Variants in SGCZ observed in about 807,000 individuals in gnomAD.
SGCZ encodes zeta-sarcoglycan.
Under a neutral mutation model 41.3 loss-of-function variants are expected in SGCZ, and 40 were observed. That is an observed-to-expected ratio of 0.97 (90% CI 0.75 to 1.26). The LOEUF is 1.26. Among genes scored for constraint, SGCZ ranks in the 50% most tolerant of loss-of-function variants. The pLI is 0.00. For synonymous variants in SGCZ, 206 were observed against 137.5 expected, an observed-to-expected ratio of 1.50 and a Z score of -3.49; for missense variants, 552 against 369.8, an observed-to-expected ratio of 1.49 and a Z score of -4.04.
intron 5 of SGCZ, among the ~76,000 whole-genome samples, chr8:14,116,235 T>C (rs913484242): frequency 1.3e-5 from 2 of 152,138 alleles, no homozygotes; most frequent in African/African-American, 4.8e-5. Context: ...AAGATGCTAA[T>C]TGTATCAATA....
At chr8:15,196,292 T>C (rs1420595509) in intron 1 of SGCZ, among the ~76,000 whole-genome samples, 9 of 152,188 alleles carry the variant, frequency 5.9e-5, no homozygotes, top group Non-Finnish European at 1.5e-5. Flanking sequence ...CTTTTCTTAA[T>C]CCAAAATTTG....
chr8:14,354,504 G>C (rs979871475), intron 2 of SGCZ, among the ~76,000 whole-genome samples: 11 of 151,708 alleles, frequency 7.3e-5, no homozygotes, highest in African/African-American at 2.7e-4. Context: ...TTTTAGGAAA[G>C]AGATGATATT....
At chr8:15,188,732 C>A (rs1335225237) in intron 1 of SGCZ, among the ~76,000 whole-genome samples, 1 of 152,030 alleles carries the variant, frequency 6.6e-6, no homozygotes, top group Non-Finnish European at 1.5e-5. Flanking sequence ...ATAATAAATA[C>A]ACATGCTGCA....
intron 2 of SGCZ, among the ~76,000 whole-genome samples, chr8:14,417,834 T>C (rs1428087270): frequency 6.6e-6 from 1 of 151,902 alleles, no homozygotes; most frequent in African/African-American, 2.4e-5. Context: ...ATTATACAAC[T>C]TAAATATATA....
intron 1 of SGCZ, among the ~76,000 whole-genome samples, chr8:15,084,187 A>T (rs1000630953): frequency 3.9e-5 from 6 of 152,212 alleles, no homozygotes; most frequent in Non-Finnish European, 5.9e-5. Flanking sequence ...AATGTTCTTC[A>T]GATCAATATT....
intron 1 of SGCZ, among the ~76,000 whole-genome samples, chr8:14,839,291 A>G (rs1017403639): frequency 2.6e-5 from 4 of 152,172 alleles, no homozygotes; most frequent in Non-Finnish European, 5.9e-5. Context: ...TTACGCAATG[A>G]GTAGCCAGGT....
chr8:15,232,282 T>C (rs1370219749), intron 1 of SGCZ, among the ~76,000 whole-genome samples: 1 of 152,166 alleles, frequency 6.6e-6, no homozygotes, highest in African/African-American at 2.4e-5. Context: ...AGCCATCTCG[T>C]GTAGCTATGA....
intron 1 of SGCZ, among the ~76,000 whole-genome samples, chr8:14,654,094 T>A (rs1807485371): frequency 6.6e-6 from 1 of 152,034 alleles, no homozygotes; most frequent in South Asian, 2.1e-4. Context: ...GAAGTTAACA[T>A]TCAATAACTT....
At position 14,201,441 on chromosome 8, in the gene SGCZ, A is replaced by G. The variant is rs553091133; in HGVS notation, c.424+36151T>C. Among the ~76,000 whole-genome samples, 289 of 152,324 alleles carry G rather than the reference A, an allele frequency of 1.9e-3. 3 individuals carry two copies. Among genetic ancestry groups the G allele is most frequent in the African/African-American group, 6.6e-3 (275 of 41,574 alleles). On this transcript the variant is annotated intron_variant, in intron 4 of 7. Coordinates refer to ENST00000382080, the MANE Select transcript of SGCZ (RefSeq NM_139167.4). ...ACATCCATGCAACAGAATACTCCTT[A>G]GTAATAAAAAGGAACAAAATTGTTG...
chr8:14,382,349 T>C (rs1188294247), intron 2 of SGCZ, among the ~76,000 whole-genome samples: 2 of 151,986 alleles, frequency 1.3e-5, no homozygotes, highest in African/African-American at 4.8e-5. Context: ...CCTGTGGGAA[T>C]GAACTCAGAC....
chr8:15,086,860 C>G (rs1462773491), intron 1 of SGCZ, among the ~76,000 whole-genome samples: 2 of 152,012 alleles, frequency 1.3e-5, no homozygotes, highest in Admixed American at 1.3e-4. Flanking sequence ...AAACTTCAGT[C>G]AAGGAAGACT....
In SGCZ at chr8:15,027,936, G is replaced by A. The variant is rs186196165; in HGVS notation, c.39+209649C>T. Among the ~76,000 whole-genome samples the A allele has an allele frequency of 6.0e-4, 91 of 152,060 alleles. 1 individual carries two copies. Among genetic ancestry groups the A allele is most frequent in the South Asian group, 1.5e-3 (7 of 4,812 alleles). On this transcript the variant is annotated intron_variant, in intron 1 of 7. Coordinates refer to ENST00000382080, the MANE Select transcript of SGCZ (RefSeq NM_139167.4). ...TATTCCTCATTAAAAAACCTATGAG[G>A]TTTGAATCTTCTCACCTTTATGTTA...
At chr8:14,247,623 C>G (rs1227163837) in intron 3 of SGCZ, among the ~76,000 whole-genome samples, 1 of 152,200 alleles carries the variant, frequency 6.6e-6, no homozygotes, top group Admixed American at 6.5e-5. Context: ...GATGCTTCTT[C>G]TTTTCCTCTT....
chr8:14,873,991 C>A (rs1405336156), intron 1 of SGCZ, among the ~76,000 whole-genome samples: 1 of 151,930 alleles, frequency 6.6e-6, no homozygotes, highest in African/African-American at 2.4e-5. Flanking sequence ...ATAGGATTAG[C>A]AACATTATGG....
At chr8:14,786,253 A>G (rs73533009) in intron 1 of SGCZ, among the ~76,000 whole-genome samples, 1 of 152,052 alleles carries the variant, frequency 6.6e-6, no homozygotes, top group African/African-American at 2.4e-5. Context: ...GTAACATTTC[A>G]TTAAACATTT....
At chr8:14,952,697 A>G (rs1800677947) in intron 1 of SGCZ, among the ~76,000 whole-genome samples, 1 of 152,188 alleles carries the variant, frequency 6.6e-6, no homozygotes, top group Non-Finnish European at 1.5e-5. Flanking sequence ...ATGAGATTCT[A>G]AACAAGTACA....
chr8:14,292,706 G>C (rs1256565386), intron 3 of SGCZ, among the ~76,000 whole-genome samples: 8 of 151,898 alleles, frequency 5.3e-5, no homozygotes, highest in African/African-American at 7.3e-5. Context: ...CTTGATATGT[G>C]ACATTAGACA....
At chr8:14,756,346 C>T (rs1250962539) in intron 1 of SGCZ, among the ~76,000 whole-genome samples, 1 of 151,980 alleles carries the variant, frequency 6.6e-6, no homozygotes, top group Non-Finnish European at 1.5e-5. Context: ...CCACCATGCA[C>T]GGCTAATTTT....
chr8:14,829,419 G>C (rs1282621237), intron 1 of SGCZ, among the ~76,000 whole-genome samples: 2 of 152,124 alleles, frequency 1.3e-5, no homozygotes, highest in Non-Finnish European at 2.9e-5. Flanking sequence ...AATATAAAGT[G>C]TATATTATTT....
Sources: allele counts gnomAD v4.1 joint callset (sites outside exome capture counted in the v4.1 genomes callset), GRCh38; gene constraint gnomAD v4.1.1; transcripts MANE v1.5; gene names NCBI Gene and HGNC (gene_info 2026-07-23, HGNC 2026-07-21).